The following B4GALNT3 variants were observed in gnomAD, a reference collection of about 807,000 sequenced individuals.
B4GALNT3 encodes beta-1,4-N-acetyl-galactosaminyltransferase 3.
B4GALNT3 carries 86 observed loss-of-function variants against 120.2 expected under a neutral mutation model. The observed-to-expected ratio is 0.72, with a 90% CI of 0.60 to 0.86. B4GALNT3 has a LOEUF of 0.86. Among genes scored for constraint, B4GALNT3 ranks in the 40% least tolerant of loss-of-function variants. The pLI, the probability that B4GALNT3 is intolerant of heterozygous loss-of-function variation, is 0.00. For synonymous variants in B4GALNT3, 518 were observed against 510.4 expected, an observed-to-expected ratio of 1.01 and a Z score of -0.20; for missense variants, 1,167 against 1,298.9, an observed-to-expected ratio of 0.90 and a Z score of 1.56.
chr12:556,842 G>A lies in B4GALNT3; in HGVS notation c.2356G>A (p.Ala786Thr). The A allele has an allele frequency of 6.2e-7, 1 of 1,606,320 alleles. No homozygotes were observed. Among genetic ancestry groups the A allele is most frequent in the Non-Finnish European group, 8.5e-7 (1 of 1,173,802 alleles). Residue 786 changes from alanine (A) to threonine (T), a missense_variant, in exon 15 of 20, where the codon GCC (alanine) becomes ACC (threonine). Around this residue, in one of 3 missense-constraint regions of B4GALNT3, gnomAD observed 983 missense variants for 1,102.5 expected, o/e 0.89. Transcript: ENST00000266383. ...WPQGFSWSHR[A>T]VVHFVVPVKN... is the part of the protein sequence containing the mutation. Reference sequence around the variant, plus strand: ...TCAGGGTTTCTCCTGGAGTCACCGAGCCGTGGTCCACTTCGTCGTGCCTGG... The same window carrying A: ...TCAGGGTTTCTCCTGGAGTCACCGAACCGTGGTCCACTTCGTCGTGCCTGG...
intron 18 of B4GALNT3, 77 bp downstream of exon 18, chr12:558,738 A>T: frequency 6.7e-7 from 1 of 1,490,308 alleles, no homozygotes; most frequent in Non-Finnish European, 9.1e-7. Flanking sequence ...GGGAACAGTC[A>T]TATCTATGAG....
At chr12:503,852 CG>C (rs1207363452) in intron 1 of B4GALNT3, among the ~76,000 whole-genome samples, 2 of 152,180 alleles carry the variant, frequency 1.3e-5, no homozygotes, top group Non-Finnish European at 2.9e-5. Flanking sequence ...TGGTGGCTCA[CG>C]CCTGTAACCC....
chr12:460,270 AGACGCTGGGCCGG>A lies in B4GALNT3; in HGVS notation c.-101_-89del. 1 of 845,126 alleles carries A rather than the reference AGACGCTGGGCCGG, an allele frequency of 1.2e-6. No homozygotes were observed. Among genetic ancestry groups the A allele is most frequent in the Non-Finnish European group, 1.4e-6 (1 of 704,664 alleles). The allele number at this position is 845,126 out of a possible 1,614,324, so 52.4% of individuals were successfully genotyped here. A position where few individuals can be genotyped will look rare whatever the true frequency, so the allele number is the denominator to read the frequency against. On this transcript the variant is annotated 5_prime_UTR_variant, in exon 1 of 20. Transcript: ENST00000266383. This position sits in a 1 kb window ranked among gnomAD's most constrained non-coding sequence, Gnocchi z 8.0. ...GAGAGACGGCCTCGGCGCAGCCCTG[AGACGCTGGGCCGG>A]GACGCGGGGCGCCCTGGGCGCGGGG...
At chr12:555,824 G>A (rs192379139) in intron 14 of B4GALNT3, among the ~76,000 whole-genome samples, 9 of 150,112 alleles carry the variant, frequency 6.0e-5, no homozygotes, top group Non-Finnish European at 8.9e-5. Flanking sequence ...TCGCTCTGTC[G>A]CCCAGGCTGG....
At chr12:466,318 T>C (rs1169303443) in intron 1 of B4GALNT3, among the ~76,000 whole-genome samples, 1 of 152,184 alleles carries the variant, frequency 6.6e-6, no homozygotes, top group Non-Finnish European at 1.5e-5. Flanking sequence ...GCAGCCGACA[T>C]AGCAGAGTTT....
rs1226911735 is a variant in B4GALNT3, at chr12:561,511, G to T, written c.*60G>T. On this transcript the variant is annotated 3_prime_UTR_variant, in exon 20 of 20. Transcript: ENST00000266383. Reference sequence around the variant, plus strand: ...TCTGGACTAGCAGTGGCTCCCCAGGGCCCTGCTACTGTTCAGGGATGGGGA... The same window carrying T: ...TCTGGACTAGCAGTGGCTCCCCAGGTCCCTGCTACTGTTCAGGGATGGGGA... The T allele has an allele frequency of 3.7e-6, 5 of 1,341,110 alleles. No homozygotes were observed. Among genetic ancestry groups the T allele is most frequent in the Non-Finnish European group, 5.2e-6 (5 of 957,336 alleles). The allele number at this position is 1,341,110 out of a possible 1,614,324, so 83.1% of individuals were successfully genotyped here.
At chr12:474,991 G>A (rs1402203326) in intron 1 of B4GALNT3, among the ~76,000 whole-genome samples, 1 of 143,212 alleles carries the variant, frequency 7.0e-6, no homozygotes, top group African/African-American at 2.6e-5. Flanking sequence ...GTGCATGCCT[G>A]TGGTCCCAAC....
rs368173091 is a variant in B4GALNT3 at position 561,414 on chromosome 12, G to A, written c.2960G>A (p.Arg987Gln). 186 of 1,613,794 alleles carry A rather than the reference G, an allele frequency of 1.2e-4. No individual in the cohort carries two copies. The highest frequency in any genetic ancestry group is 1.8e-4 in the South Asian group (16 of 91,086). Residue 987 changes from arginine (R) to glutamine (Q), a missense_variant, in exon 20 of 20, where the codon CGA (arginine) becomes CAA (glutamine). Transcript: ENST00000266383. ...RNFFHHFHSK[R>Q]GMWSRRQMKT... ...TTCTTCCATCATTTCCATTCCAAGC[G>A]AGGCATGTGGAGCCGTCGCCAGATG... is the stretch of plus-strand genomic sequence containing the variant.
At chr12:470,975 C>T (rs967096090) in intron 1 of B4GALNT3, among the ~76,000 whole-genome samples, 4 of 152,104 alleles carry the variant, frequency 2.6e-5, no homozygotes, top group East Asian at 3.9e-4. Flanking sequence ...GTGATGCGCC[C>T]GCCTCAGCCT....
intron 1 of B4GALNT3, among the ~76,000 whole-genome samples, chr12:509,125 C>T (rs1946523287): frequency 6.6e-6 from 1 of 152,214 alleles, no homozygotes; most frequent in Admixed American, 6.5e-5. Flanking sequence ...AGATGATGGA[C>T]AACGTGTCTG....
chr12:526,478 C>T (rs573758271), intron 1 of B4GALNT3, among the ~76,000 whole-genome samples: 7 of 152,208 alleles, frequency 4.6e-5, no homozygotes, highest in Non-Finnish European at 1.0e-4. Context: ...CCTGGAAGCA[C>T]CTCTGTGGCC....
intron 1 of B4GALNT3, among the ~76,000 whole-genome samples, chr12:480,186 A>G (rs1223725964): frequency 1.3e-5 from 2 of 151,098 alleles, no homozygotes; most frequent in African/African-American, 2.4e-5. Context: ...AAGTGCTGAG[A>G]TTACAGGCGT....
intron 3 of B4GALNT3, among the ~76,000 whole-genome samples, chr12:538,844 G>A (rs1012635627): frequency 6.6e-6 from 1 of 152,164 alleles, no homozygotes; most frequent in Non-Finnish European, 1.5e-5. Flanking sequence ...GCCACATTCT[G>A]GGGACTTCTG....
chr12:469,164 T>C (rs774325358), intron 1 of B4GALNT3, among the ~76,000 whole-genome samples: 14 of 152,168 alleles, frequency 9.2e-5, no homozygotes, highest in Non-Finnish European at 1.5e-5. Context: ...CTGTGGAGTC[T>C]GAAGGCAGGG....
chr12:511,189 C>T (rs113233762), intron 1 of B4GALNT3, among the ~76,000 whole-genome samples: 5,579 of 139,428 alleles, frequency 0.04, 208 homozygotes, highest in African/African-American at 0.092. Context: ...CCACCACGCT[C>T]GGCTAATTTT....
chr12:464,435 G>A (rs1029737508), intron 1 of B4GALNT3, among the ~76,000 whole-genome samples: 1 of 151,926 alleles, frequency 6.6e-6, no homozygotes, highest in Non-Finnish European at 1.5e-5. Context: ...TTCGAGACCA[G>A]CCTGGCCAAC....
rs541748039 is a variant in B4GALNT3 at position 548,759 on chromosome 12, A to G, written c.853+462A>G. ...ACCTCATCTCTACAAAAAATTAAAA[A>G]ATTAACTGGGTGTGGTGGCGCATGC... On this transcript the variant is annotated intron_variant, in intron 9 of 19. Coordinates refer to ENST00000266383, the MANE Select transcript of B4GALNT3 (RefSeq NM_173593.4). The surrounding 1 kb of genome is among the most constrained non-coding windows in gnomAD (Gnocchi z 4.9). Among the ~76,000 whole-genome samples, 23 of 152,164 alleles carry G rather than the reference A, an allele frequency of 1.5e-4. No individual in the cohort carries two copies. Among genetic ancestry groups the G allele is most frequent in the Non-Finnish European group, 2.8e-4 (19 of 67,984 alleles).
At chr12:547,604 G>A (rs1947024326) in intron 7 of B4GALNT3, among the ~76,000 whole-genome samples, 1 of 152,188 alleles carries the variant, frequency 6.6e-6, no homozygotes, top group African/African-American at 2.4e-5. Flanking sequence ...GGTCCCTGGG[G>A]CAAGTCGGCC....
chr12:511,775 CCTTCTTCCACCTTCCACCTTCCACCTT>C (rs1946569570), intron 1 of B4GALNT3, among the ~76,000 whole-genome samples: 2 of 106,236 alleles, frequency 1.9e-5, no homozygotes, highest in South Asian at 7.8e-4. Context: ...CCACCTTCCA[CCTTCTTCCACCTTCCACCTTCCACCTT>C]CTTCCACCTT....
Sources: allele counts gnomAD v4.1 joint callset (sites outside exome capture counted in the v4.1 genomes callset), GRCh38; gene constraint gnomAD v4.1.1; regional missense constraint gnomAD v4.1.1; non-coding constraint Gnocchi (gnomAD v3.1); transcripts MANE v1.5; gene names NCBI Gene and HGNC (gene_info 2026-07-23, HGNC 2026-07-21).